The following RIN2 variants were observed in gnomAD, a reference collection of about 807,000 sequenced individuals.
RIN2 encodes the protein Ras and Rab interactor 2.
RIN2 carries 36 observed loss-of-function variants against 78.0 expected under a neutral mutation model. The ratio of observed to expected loss-of-function variants is 0.46; its 90% CI spans 0.35 to 0.61. The LOEUF is 0.61. Ranked by LOEUF, RIN2 falls within the 20% of genes least tolerant of loss-of-function variation. RIN2 has a pLI of 0.00. For synonymous variants in RIN2, 466 were observed against 466.8 expected, an observed-to-expected ratio of 1.00 and a Z score of 0.02; for missense variants, 1,087 against 1,159.7, an observed-to-expected ratio of 0.94 and a Z score of 0.91.
At chr20:19,834,443 G>T (rs1010669101) in intron 2 of RIN2, among the ~76,000 whole-genome samples, 1 of 152,084 alleles carries the variant, frequency 6.6e-6, no homozygotes, top group Non-Finnish European at 1.5e-5. Context: ...AACCCAAATC[G>T]CACAGCTAGT....
At chr20:19,810,784 C>T (rs1267000423) in intron 2 of RIN2, among the ~76,000 whole-genome samples, 9 of 147,636 alleles carry the variant, frequency 6.1e-5, no homozygotes, top group East Asian at 2.0e-4. Context: ...AGCTCTGCCT[C>T]CCGGGTTCAC....
At chr20:19,971,031 C>A in intron 8 of RIN2, 102 bp downstream of exon 8, 2 of 837,084 alleles carry the variant, frequency 2.4e-6, no homozygotes, top group Non-Finnish European at 1.9e-6. Flanking sequence ...ATCTCTCCAG[C>A]TTCTCCATCA....
At chr20:19,902,888 T>C (rs183381711) in intron 3 of RIN2, among the ~76,000 whole-genome samples, 1 of 152,172 alleles carries the variant, frequency 6.6e-6, no homozygotes, top group Admixed American at 6.5e-5. Flanking sequence ...TGTCAGGAGA[T>C]TGAGACCATC....
At chr20:19,931,285 A>G (rs2040428411) in intron 3 of RIN2, among the ~76,000 whole-genome samples, 1 of 151,716 alleles carries the variant, frequency 6.6e-6, no homozygotes, top group African/African-American at 2.4e-5. Flanking sequence ...TTTTAATAAT[A>G]TAACATGTAA....
In RIN2 at chr20:19,875,307, C is replaced by T. The variant is rs181478048; in HGVS notation, c.-36-14259C>T. Among the ~76,000 whole-genome samples, 1,297 of 152,186 alleles carry T rather than the reference C, an allele frequency of 8.5e-3. 14 individuals are homozygous for T. The highest frequency in any genetic ancestry group is 0.016 in the Non-Finnish European group (1,058 of 68,016). ...CCAAGTAGCTGGGATTACAGGCGCA[C>T]GCTACCATGCCCGGCTAATTTTTGT... On this transcript the variant is annotated intron_variant, in intron 2 of 12. Coordinates refer to ENST00000255006, the MANE Select transcript of RIN2 (RefSeq NM_018993.4).
Position 19,935,122 on chromosome 20 carries a change from G to A in RIN2, c.81G>A (p.Glu27=). ...AGCTCATTGACACAATTGCCTCGGA[G>A]ATCGGAGAACTGAAACAGGAGATGG... is the stretch of plus-strand genomic sequence containing the variant. ...FFKLIDTIAS[E]IGELKQEMVR... Residue 27 remains glutamate (E), a synonymous_variant, in exon 4 of 13, where the codon GAG becomes GAA. Coordinates refer to ENST00000255006, the MANE Select transcript of RIN2 (RefSeq NM_018993.4). 2 of 1,601,796 alleles carry A rather than the reference G, an allele frequency of 1.2e-6. No individual in the cohort carries two copies. Among genetic ancestry groups the A allele is most frequent in the Non-Finnish European group, 1.7e-6 (2 of 1,174,204 alleles).
intron 3 of RIN2, among the ~76,000 whole-genome samples, chr20:19,899,890 C>G (rs1297644796): frequency 6.6e-6 from 1 of 152,170 alleles, no homozygotes; most frequent in Non-Finnish European, 1.5e-5. Flanking sequence ...GTGTGAATAT[C>G]AGGCTGTGGC....
chr20:19,878,644 T>G (rs2037929727), intron 2 of RIN2, among the ~76,000 whole-genome samples: 1 of 152,100 alleles, frequency 6.6e-6, no homozygotes, highest in Admixed American at 6.6e-5. Flanking sequence ...CTTCCATCTG[T>G]CCTCTTGCCT....
At chr20:19,932,399 GGAAACAGA>G (rs2040475241) in intron 3 of RIN2, among the ~76,000 whole-genome samples, 1 of 152,142 alleles carries the variant, frequency 6.6e-6, no homozygotes, top group African/African-American at 2.4e-5. Flanking sequence ...TATAGCAACA[GGAAACAGA>G]GAAAGACAAG....
chr20:19,802,024 G>A (rs12481484), intron 2 of RIN2, among the ~76,000 whole-genome samples: 36,439 of 152,104 alleles, frequency 0.24, 5,043 homozygotes, highest in African/African-American at 0.4. Context: ...TCTGAGATAC[G>A]ATATTTCATT....
chr20:19,890,107 T>G (rs2038381202), intron 3 of RIN2, among the ~76,000 whole-genome samples: 1 of 152,200 alleles, frequency 6.6e-6, no homozygotes, highest in African/African-American at 2.4e-5. Context: ...GGACCGCACC[T>G]TAGAATGATG....
intron 2 of RIN2, among the ~76,000 whole-genome samples, chr20:19,812,718 G>A (rs555717035): frequency 2.0e-5 from 3 of 152,284 alleles, no homozygotes; most frequent in African/African-American, 7.2e-5. Flanking sequence ...GTTTCATAGC[G>A]TGGGCATCCT....
intron 5 of RIN2, among the ~76,000 whole-genome samples, chr20:19,960,238 A>C (rs1024906506): frequency 6.6e-5 from 10 of 152,224 alleles, no homozygotes; most frequent in Non-Finnish European, 1.3e-4. Flanking sequence ...CACAAACTTA[A>C]ATTTCTATTG....
intron 2 of RIN2, among the ~76,000 whole-genome samples, chr20:19,829,770 C>T (rs16981207): frequency 0.021 from 3,181 of 152,274 alleles, 39 homozygotes; most frequent in Non-Finnish European, 0.032. Context: ...TTGGCCACTA[C>T]GGAAGGGGTC....
At chr20:19,907,016 A>G (rs1037830940) in intron 3 of RIN2, among the ~76,000 whole-genome samples, 4 of 152,210 alleles carry the variant, frequency 2.6e-5, no homozygotes, top group Non-Finnish European at 5.9e-5. Context: ...GGAAGTCCCA[A>G]GGTTGAGGGG....
intron 9 of RIN2, among the ~76,000 whole-genome samples, chr20:19,987,898 G>T (rs1248048838): frequency 6.6e-6 from 1 of 152,094 alleles, no homozygotes; most frequent in Admixed American, 6.5e-5. Context: ...GTTGGAAGAG[G>T]AGAAAGAAAA....
chr20:19,814,216 C>T (rs2035690941), intron 2 of RIN2, among the ~76,000 whole-genome samples: 1 of 152,090 alleles, frequency 6.6e-6, no homozygotes, highest in South Asian at 2.1e-4. Flanking sequence ...TTAGCTTGGC[C>T]CAAGGAGACT....
intron 2 of RIN2, among the ~76,000 whole-genome samples, chr20:19,878,592 A>G (rs1949668862): frequency 6.6e-6 from 1 of 152,078 alleles, no homozygotes; most frequent in African/African-American, 2.4e-5. Flanking sequence ...TGTTCTCTTG[A>G]TGTATAATTT....
At chr20:19,919,113 G>A (rs1409490203) in intron 3 of RIN2, among the ~76,000 whole-genome samples, 1 of 152,240 alleles carries the variant, frequency 6.6e-6, no homozygotes, top group East Asian at 1.9e-4. Flanking sequence ...TGTTTGCCAT[G>A]TGGGAATCTG....
Sources: gnomAD v4.1 joint callset for allele counts (sites outside exome capture counted in the v4.1 genomes callset) on GRCh38, gnomAD v4.1.1 for gene constraint, MANE v1.5 for transcripts, NCBI Gene and HGNC (gene_info 2026-07-23, HGNC 2026-07-21) for gene names.